The following CAST variants were observed in gnomAD, a reference collection of about 807,000 sequenced individuals.
CAST encodes MIR583 host.
In CAST, 76 loss-of-function variants were observed where a neutral mutation model predicts 119.6. The observed-to-expected ratio is 0.64, with a 90% CI of 0.53 to 0.77. The LOEUF (loss-of-function observed/expected upper bound fraction) is 0.77. CAST is among the 30% of genes least tolerant of loss of function. The probability of loss-of-function intolerance (pLI) is 0.00; values close to 1 mark genes in which losing one functional copy is unlikely to be tolerated. For synonymous variants in CAST, 319 were observed against 331.6 expected (o/e 0.96, Z 0.41); for missense variants, 953 against 946.5 (o/e 1.01, Z -0.09).
At chr5:95,972,402 G>GT in the CAST span, among the ~76,000 whole-genome samples, 4,028 of 148,204 alleles carry the variant, frequency 0.027, 176 homozygotes, top group African/African-American at 0.092. Context: ...GCATTGTCAG[G>GT]TTTTTTTTTT....
chr5:96,245,808 G>T, the CAST span, among the ~76,000 whole-genome samples: 1 of 152,142 alleles, frequency 6.6e-6, no homozygotes, highest in Non-Finnish European at 1.5e-5. Flanking sequence ...CAGCTGGGGG[G>T]ACTTACGGCA....
chr5:96,494,539 G>T, the CAST span, among the ~76,000 whole-genome samples: 100 of 152,256 alleles, frequency 6.6e-4, no homozygotes, highest in Non-Finnish European at 1.2e-3. Flanking sequence ...CCCTAAAAAT[G>T]AAGCATATAA....
intron 1 of CAST, among the ~76,000 whole-genome samples, chr5:96,631,741 C>G (rs556920557): frequency 1.3e-5 from 2 of 152,146 alleles, no homozygotes; most frequent in Admixed American, 1.3e-4. Flanking sequence ...ACCGTGTTAG[C>G]CAGGATGGTC....
At chr5:96,599,971 A>AAAAAAAAAAAAG (rs1747116823) in intron 1 of CAST, among the ~76,000 whole-genome samples, 2 of 142,720 alleles carry the variant, frequency 1.4e-5, no homozygotes, top group African/African-American at 5.0e-5. Context: ...TTAGGCAAAA[A>AAAAAAAAAAAAG]AAAAAAAAAA....
intron 2 of CAST, chr5:96,675,840 C>G (rs920707656): frequency 2.5e-6 from 1 of 399,706 alleles, no homozygotes; most frequent in Non-Finnish European, 4.4e-6. Flanking sequence ...AACTTTGTTG[C>G]TTAGGGTGTT....
the CAST span, among the ~76,000 whole-genome samples, chr5:96,014,892 G>A: frequency 5.3e-5 from 8 of 152,288 alleles, no homozygotes; most frequent in South Asian, 1.4e-3. Flanking sequence ...CACACAGGAA[G>A]CCATCTAGTC....
At chr5:96,641,657 A>T (rs1747951213) in intron 1 of CAST, among the ~76,000 whole-genome samples, 1 of 151,956 alleles carries the variant, frequency 6.6e-6, no homozygotes, top group Non-Finnish European at 1.5e-5. Context: ...CTACTTTCAG[A>T]TCCTGAAACA....
chr5:96,348,782 A>C, the CAST span, among the ~76,000 whole-genome samples: 105 of 152,290 alleles, frequency 6.9e-4, no homozygotes, highest in Non-Finnish European at 1.1e-3. Flanking sequence ...CAGGATTTAC[A>C]GAGGCTGGAA....
intron 2 of CAST, among the ~76,000 whole-genome samples, chr5:96,693,955 T>C (rs996397981): frequency 6.6e-6 from 1 of 152,174 alleles, no homozygotes; most frequent in Admixed American, 6.5e-5. Flanking sequence ...CCTGAACTCC[T>C]GCAAATGCCT....
rs187879236 is a variant in CAST at position 96,579,075 on chromosome 5, G to A, written c.60+49195G>A. On this transcript the variant is annotated intron_variant, in intron 1 of 11. Coordinates refer to the CAST transcript ENST00000505143. Reference sequence around the variant, plus strand: ...CATGGAGGAAGAACTCAGGTCTCAGGGACAAAGAGGCTTTCTGGGGGAAAC... The same window carrying A: ...CATGGAGGAAGAACTCAGGTCTCAGAGACAAAGAGGCTTTCTGGGGGAAAC... Among the ~76,000 whole-genome samples, 3 of 152,292 alleles carry A rather than the reference G, an allele frequency of 2.0e-5. No individual in the cohort carries two copies. In the East Asian group the frequency reaches 5.8e-4, roughly 29 times the overall value.
intron 25 of CAST, among the ~76,000 whole-genome samples, chr5:96,763,727 A>G (rs1277508057): frequency 6.6e-6 from 1 of 152,210 alleles, no homozygotes; most frequent in Non-Finnish European, 1.5e-5. Flanking sequence ...CTTTGCTGTG[A>G]TTATTAGATT....
chr5:96,757,906 G>T (rs548717755), intron 24 of CAST, among the ~76,000 whole-genome samples: 1 of 152,116 alleles, frequency 6.6e-6, no homozygotes, highest in South Asian at 2.1e-4. Flanking sequence ...GGCCAGGCTG[G>T]TGTCAGTCTC....
chr5:96,514,366 A>G, the CAST span, among the ~76,000 whole-genome samples: 2 of 152,208 alleles, frequency 1.3e-5, no homozygotes, highest in African/African-American at 2.4e-5. Flanking sequence ...TGAGGAGGGC[A>G]GGCATAACTC....
the CAST span, among the ~76,000 whole-genome samples, chr5:96,048,699 A>T: frequency 1.3e-5 from 2 of 152,084 alleles, no homozygotes. Context: ...ACATGTCCCA[A>T]ATATGTCAGA....
intron 3 of CAST, among the ~76,000 whole-genome samples, chr5:96,712,401 G>C (rs190737773): frequency 2.6e-5 from 4 of 152,184 alleles, no homozygotes; most frequent in African/African-American, 7.2e-5. Context: ...GTGCAATCAC[G>C]GGCCACTGCA....
chr5:95,986,175 T>C, the CAST span: 5 of 152,336 alleles, frequency 3.3e-5, no homozygotes, highest in South Asian at 8.3e-4. Flanking sequence ...ACCATCATAC[T>C]TGAGATTTTT....
chr5:96,768,424 T>C (rs1191915342), intron 29 of CAST: 13 of 456,186 alleles, frequency 2.8e-5, no homozygotes, highest in Non-Finnish European at 5.3e-5. Flanking sequence ...AACGATGATA[T>C]AGAGAACCTG....
intron 8 of CAST, among the ~76,000 whole-genome samples, chr5:96,730,262 C>T (rs919387017): frequency 2.6e-5 from 4 of 152,176 alleles, no homozygotes; most frequent in African/African-American, 9.7e-5. Flanking sequence ...ATTGAGAGCA[C>T]TTGGAAGATA....
chr5:96,363,592 A>G, the CAST span, among the ~76,000 whole-genome samples: 2 of 152,058 alleles, frequency 1.3e-5, no homozygotes, highest in African/African-American at 2.4e-5. Flanking sequence ...ATTCTCTTTG[A>G]AGCAATTGTG....
Sources: allele counts gnomAD v4.1 joint callset (sites outside exome capture counted in the v4.1 genomes callset), GRCh38; gene constraint gnomAD v4.1.1; transcripts MANE v1.5; gene names NCBI Gene and HGNC (gene_info 2026-07-23, HGNC 2026-07-21).